Variants in MAF observed in about 807,000 individuals in gnomAD.
The protein encoded by MAF is MAF bZIP transcription factor, also known as transcription factor Maf.
A neutral mutation model predicts 22.0 loss-of-function variants in MAF; 10 were observed. That is an observed-to-expected ratio of 0.45 (90% CI 0.28 to 0.77). MAF has a LOEUF of 0.77. Among genes scored for constraint, MAF ranks in the 30% least tolerant of loss-of-function variants. The pLI, the probability that MAF is intolerant of heterozygous loss-of-function variation, is 0.12. For synonymous variants in MAF, 337 were observed against 255.8 expected, an observed-to-expected ratio of 1.32 and a Z score of -3.03; for missense variants, 544 against 548.4, an observed-to-expected ratio of 0.99 and a Z score of 0.08.
At chr16:79,594,765 G>GTAA in intron 1 of MAF, 1 of 1,351,962 alleles carries the variant, frequency 7.4e-7, no homozygotes, top group Non-Finnish European at 9.5e-7. Context: ...AAAGTTTTCA[G>GTAA]TAATTGTTAT....
the MAF span, among the ~76,000 whole-genome samples, chr16:79,322,860 G>C: frequency 6.6e-6 from 1 of 152,026 alleles, no homozygotes; most frequent in South Asian, 2.1e-4. Context: ...TCCTTCAATA[G>C]GCAATTGGGG....
the MAF span, among the ~76,000 whole-genome samples, chr16:79,264,799 T>TGG: frequency 7.2e-5 from 11 of 152,308 alleles, no homozygotes; most frequent in Non-Finnish European, 1.3e-4. Context: ...CCCATGGATC[T>TGG]GAAGCTCCAT....
chr16:79,448,377 A>ATT, the MAF span, among the ~76,000 whole-genome samples: 550 of 141,706 alleles, frequency 3.9e-3, 10 homozygotes, highest in South Asian at 0.049. Context: ...GAATGCTAGC[A>ATT]TTTTTTTTTT....
At chr16:79,289,183 A>G in the MAF span, among the ~76,000 whole-genome samples, 5 of 152,154 alleles carry the variant, frequency 3.3e-5, no homozygotes, top group Non-Finnish European at 7.4e-5. Flanking sequence ...CACTGTAGGG[A>G]TTTCAAGCAG....
At chr16:79,328,378 G>A in the MAF span, among the ~76,000 whole-genome samples, 2 of 152,112 alleles carry the variant, frequency 1.3e-5, no homozygotes, top group African/African-American at 4.8e-5. Context: ...AATTTTGGGG[G>A]CCACTTGGTT....
At chr16:79,377,709 G>A in the MAF span, among the ~76,000 whole-genome samples, 3 of 151,942 alleles carry the variant, frequency 2.0e-5, no homozygotes, top group Non-Finnish European at 4.4e-5. Context: ...TTTGTATAAG[G>A]TGTAAGGAAG....
At chr16:79,223,988 G>A in the MAF span, among the ~76,000 whole-genome samples, 8 of 152,096 alleles carry the variant, frequency 5.3e-5, no homozygotes, top group African/African-American at 1.9e-4. Context: ...GGAAAAGAAG[G>A]AATCCTCCTT....
At chr16:79,582,277 G>C (rs1006414495), downstream of MAF, among the ~76,000 whole-genome samples, 29 of 152,198 alleles carry the variant, frequency 1.9e-4, no homozygotes, top group African/African-American at 5.1e-4. Context: ...ATCTGTGAAC[G>C]GCGGCAGTAA....
chr16:79,292,481 T>A, the MAF span, among the ~76,000 whole-genome samples: 1 of 152,204 alleles, frequency 6.6e-6, no homozygotes, highest in Non-Finnish European at 1.5e-5. Flanking sequence ...AGAGTAAATT[T>A]CTTTTGTAAG....
the MAF span, among the ~76,000 whole-genome samples, chr16:79,207,969 T>C: frequency 0.08 from 12,196 of 152,208 alleles, 726 homozygotes; most frequent in African/African-American, 0.16. Context: ...TTTGGAAGGA[T>C]GGATAATTTA....
At chr16:79,510,172 T>TGTGA in the MAF span, among the ~76,000 whole-genome samples, 1 of 152,234 alleles carries the variant, frequency 6.6e-6, no homozygotes, top group African/African-American at 2.4e-5. Flanking sequence ...CTGTATGGAT[T>TGTGA]GTGAGTTAAA....
the MAF span, among the ~76,000 whole-genome samples, chr16:79,387,658 C>T: frequency 2.0e-5 from 3 of 152,070 alleles, no homozygotes; most frequent in African/African-American, 7.2e-5. Context: ...GCCTAGACCT[C>T]GGAGGAGGGC....
At chr16:79,408,615 CCTTT>C in the MAF span, among the ~76,000 whole-genome samples, 23 of 151,500 alleles carry the variant, frequency 1.5e-4, no homozygotes, top group Non-Finnish European at 2.7e-4. Context: ...TGCCTTCCTT[CCTTT>C]CTTCCTTTTT....
the MAF span, among the ~76,000 whole-genome samples, chr16:79,473,123 A>G: frequency 6.6e-6 from 1 of 152,150 alleles, no homozygotes; most frequent in East Asian, 1.9e-4. Flanking sequence ...GTCGATGGCC[A>G]TCTGGTCGTT....
the MAF span, among the ~76,000 whole-genome samples, chr16:79,481,919 G>C: frequency 6.6e-6 from 1 of 152,154 alleles, no homozygotes; most frequent in African/African-American, 2.4e-5. Context: ...AAGCAGGTGC[G>C]ACCTGCTCAG....
the MAF span, among the ~76,000 whole-genome samples, chr16:79,408,922 G>GT: frequency 6.8e-6 from 1 of 148,052 alleles, no homozygotes; most frequent in Non-Finnish European, 1.5e-5. Flanking sequence ...TATTTTTATT[G>GT]TAACTGTAGA....
At chr16:79,215,514 G>T in the MAF span, among the ~76,000 whole-genome samples, 6 of 152,316 alleles carry the variant, frequency 3.9e-5, no homozygotes, top group South Asian at 1.2e-3. Flanking sequence ...AAATGTCAAA[G>T]AGAACCAAGA....
At chr16:79,400,076 C>G in the MAF span, among the ~76,000 whole-genome samples, 1 of 152,196 alleles carries the variant, frequency 6.6e-6, no homozygotes, top group Non-Finnish European at 1.5e-5. Context: ...GGAGAGTTGA[C>G]AATATCTAGA....
At chr16:79,221,139 C>A in the MAF span, among the ~76,000 whole-genome samples, 2 of 152,190 alleles carry the variant, frequency 1.3e-5, no homozygotes, top group Non-Finnish European at 2.9e-5. Context: ...TTCTTGACTG[C>A]GTTGGGAAAT....
Sources: allele counts gnomAD v4.1 joint callset (sites outside exome capture counted in the v4.1 genomes callset), GRCh38; gene constraint gnomAD v4.1.1; transcripts MANE v1.5; gene names NCBI Gene and HGNC (gene_info 2026-07-23, HGNC 2026-07-21).